Variants in PGBD5 observed in about 807,000 individuals in gnomAD.
The protein encoded by PGBD5 is piggyBac transposable element-derived protein 5.
In PGBD5, 14 loss-of-function variants were observed where a neutral mutation model predicts 47.9. The observed-to-expected ratio is 0.29, with a 90% CI of 0.19 to 0.46. The LOEUF (loss-of-function observed/expected upper bound fraction) is 0.46, where lower values mean the gene tolerates loss of function less well. Ranked by LOEUF, PGBD5 falls within the 20% of genes least tolerant of loss-of-function variation. The probability of loss-of-function intolerance (pLI) is 1.00; values close to 1 mark genes in which losing one functional copy is unlikely to be tolerated. For synonymous variants in PGBD5, 316 were observed against 306.3 expected (o/e 1.03, Z -0.33); for missense variants, 635 against 716.0 (o/e 0.89, Z 1.29).
intron 1 of PGBD5, among the ~76,000 whole-genome samples, chr1:230,410,889 A>G (rs909388886): frequency 2.0e-5 from 3 of 152,184 alleles, no homozygotes; most frequent in Non-Finnish European, 4.4e-5. Context: ...AATAAAATAG[A>G]AAAACCCCTC....
chr1:230,365,114 C>T (rs187593732), intron 1 of PGBD5, among the ~76,000 whole-genome samples: 3 of 150,996 alleles, frequency 2.0e-5, no homozygotes, highest in Non-Finnish European at 4.4e-5. Flanking sequence ...GATATTGAGA[C>T]CATCCTGGCT....
intron 1 of PGBD5, among the ~76,000 whole-genome samples, chr1:230,384,605 C>T (rs1012881318): frequency 2.0e-5 from 3 of 152,124 alleles, no homozygotes; most frequent in Admixed American, 1.3e-4. Context: ...TTATTATCCA[C>T]ATTTTACAAA....
At chr1:230,360,664 G>GT (rs2102708801) in intron 1 of PGBD5, among the ~76,000 whole-genome samples, 1 of 152,280 alleles carries the variant, frequency 6.6e-6, no homozygotes, top group Non-Finnish European at 1.5e-5. Flanking sequence ...CGCCATGATT[G>GT]TAAGTTTCCT....
intron 1 of PGBD5, among the ~76,000 whole-genome samples, chr1:230,384,602 C>T (rs1002575033): frequency 2.0e-5 from 3 of 152,066 alleles, no homozygotes; most frequent in Non-Finnish European, 2.9e-5. Flanking sequence ...ATTTTATTAT[C>T]CACATTTTAC....
intron 1 of PGBD5, among the ~76,000 whole-genome samples, chr1:230,418,099 C>A (rs189454835): frequency 1.7e-4 from 26 of 152,254 alleles, no homozygotes; most frequent in Admixed American, 1.6e-3. Context: ...CAGCCCCCCA[C>A]CAGCAAAGAA....
intron 3 of PGBD5, among the ~76,000 whole-genome samples, chr1:230,340,683 C>T (rs1333689579): frequency 6.6e-6 from 1 of 151,980 alleles, no homozygotes; most frequent in Non-Finnish European, 1.5e-5. Flanking sequence ...ATCTTTGGGT[C>T]TGAGTGAACG....
intron 1 of PGBD5, among the ~76,000 whole-genome samples, chr1:230,379,373 G>A (rs1047842808): frequency 1.4e-4 from 21 of 152,232 alleles, no homozygotes; most frequent in Non-Finnish European, 2.8e-4. Context: ...CCAGGATGCC[G>A]GCTCTCCACC....
chr1:230,415,966 T>A (rs185901591), intron 1 of PGBD5, among the ~76,000 whole-genome samples: 1 of 152,320 alleles, frequency 6.6e-6, no homozygotes, highest in Non-Finnish European at 1.5e-5. Flanking sequence ...ATGACAGTAT[T>A]CACTTGACAG....
intron 3 of PGBD5, among the ~76,000 whole-genome samples, chr1:230,344,304 G>A (rs1179815755): frequency 6.6e-6 from 1 of 152,066 alleles, no homozygotes; most frequent in Non-Finnish European, 1.5e-5. Flanking sequence ...AAAAGAAGGT[G>A]AGATCTAGAG....
chr1:230,330,503 A>G (rs906282805), intron 5 of PGBD5, among the ~76,000 whole-genome samples: 4 of 152,270 alleles, frequency 2.6e-5, no homozygotes, highest in African/African-American at 7.2e-5. Flanking sequence ...AAGGGAAGGA[A>G]TACTAGGTAC....
intron 1 of PGBD5, among the ~76,000 whole-genome samples, chr1:230,358,398 G>C (rs917462586): frequency 3.9e-5 from 6 of 152,060 alleles, no homozygotes; most frequent in African/African-American, 1.2e-4. Flanking sequence ...TAAGTAAAAC[G>C]CTTTCATCAC....
chr1:230,383,500 G>A (rs1054366086), intron 1 of PGBD5, among the ~76,000 whole-genome samples: 6 of 151,920 alleles, frequency 3.9e-5, no homozygotes, highest in African/African-American at 1.5e-4. Context: ...AAATAGCTGG[G>A]ATTATAGGTG....
chr1:230,403,111 A>G (rs1224456828), intron 1 of PGBD5, among the ~76,000 whole-genome samples: 1 of 152,232 alleles, frequency 6.6e-6, no homozygotes, highest in African/African-American at 2.4e-5. Flanking sequence ...GCATGCCTCC[A>G]GGCCTCTTCT....
intron 1 of PGBD5, among the ~76,000 whole-genome samples, chr1:230,414,425 A>C (rs956609869): frequency 2.0e-5 from 3 of 152,090 alleles, no homozygotes; most frequent in African/African-American, 7.2e-5. Flanking sequence ...AAATTTACCT[A>C]ATCTTTTTCA....
chr1:230,386,608 C>T (rs1048741072), intron 1 of PGBD5, among the ~76,000 whole-genome samples: 5 of 152,164 alleles, frequency 3.3e-5, no homozygotes, highest in African/African-American at 7.2e-5. Context: ...GGTACTTCAT[C>T]GCCATTGGCT....
intron 1 of PGBD5, among the ~76,000 whole-genome samples, chr1:230,410,999 T>C (rs1306489211): frequency 6.6e-6 from 1 of 151,834 alleles, no homozygotes; most frequent in Non-Finnish European, 1.5e-5. Flanking sequence ...AGAGGCCAGG[T>C]ACAGTGGCTC....
chr1:230,415,335 T>C (rs906408370), intron 1 of PGBD5, among the ~76,000 whole-genome samples: 1 of 151,988 alleles, frequency 6.6e-6, no homozygotes, highest in African/African-American at 2.4e-5. Context: ...GTGATTCCAC[T>C]TGTTGACAGT....
At chr1:230,365,961 G>T (rs188448485) in intron 1 of PGBD5, among the ~76,000 whole-genome samples, 62 of 152,352 alleles carry the variant, frequency 4.1e-4, no homozygotes, top group Admixed American at 1.6e-3. Context: ...CACAGGAAGG[G>T]TTGCAAACAT....
chr1:230,367,080 C>G (rs2102714161), intron 1 of PGBD5, among the ~76,000 whole-genome samples: 1 of 152,096 alleles, frequency 6.6e-6, no homozygotes, highest in African/African-American at 2.4e-5. Context: ...ACCCAGGTAA[C>G]TTGCTAATTT....
Sources: allele counts gnomAD v4.1 joint callset (sites outside exome capture counted in the v4.1 genomes callset), GRCh38; gene constraint gnomAD v4.1.1; transcripts MANE v1.5; gene names NCBI Gene and HGNC (gene_info 2026-07-23, HGNC 2026-07-21).